COL5A2: variants seen among roughly 807,000 people sequenced by gnomAD.
The protein encoded by COL5A2 is collagen type V alpha 2 chain.
In COL5A2, 23 loss-of-function variants were observed where a neutral mutation model predicts 208.2. That is an observed-to-expected ratio of 0.11 (90% CI 0.08 to 0.16). The LOEUF is 0.16. COL5A2 is among the 10% of genes least tolerant of loss of function. The probability of loss-of-function intolerance (pLI) is 1.00; values close to 1 mark genes in which losing one functional copy is unlikely to be tolerated. For missense variants in COL5A2, 1,590 were observed against 1,956.4 expected (o/e 0.81, Z 3.53); for synonymous variants, 625 against 628.5 (o/e 0.99, Z 0.08).
Position 189,088,776 on chromosome 2 carries a change from TA to T in COL5A2, c.568-5del. 6.2e-7 allele frequency: 1 copy of T among 1,613,062 alleles called. No individual in the cohort carries two copies. The highest frequency in any genetic ancestry group is 1.3e-5 in the African/African-American group (1 of 75,020). On this transcript the variant is annotated splice_region_variant and splice_polypyrimidine_tract_variant and intron_variant, in intron 7 of 53. Transcript: ENST00000374866. ...CAGCCATTTGAGCTGAAAACGGCTGTAAAAGCGATATGTTGACATTATTTCT... is the reference window on the plus strand; with the variant it reads ...CAGCCATTTGAGCTGAAAACGGCTGTAAAGCGATATGTTGACATTATTTCT...
intron 1 of COL5A2, among the ~76,000 whole-genome samples, chr2:189,150,409 G>C (rs1482441783): frequency 6.6e-6 from 1 of 152,078 alleles, no homozygotes; most frequent in Non-Finnish European, 1.5e-5. Flanking sequence ...AAAGTCCTTA[G>C]GACACAGTGC....
chr2:189,169,829 G>A (rs1012609766), intron 1 of COL5A2, among the ~76,000 whole-genome samples: 26 of 152,200 alleles, frequency 1.7e-4, no homozygotes, highest in African/African-American at 6.3e-4. Flanking sequence ...TCCTGCCTCA[G>A]CTTCCCGAGT....
Position 189,074,649 on chromosome 2 carries a change from G to A in COL5A2, c.1104+744C>T, listed in dbSNP as rs186046434. ...CCATTCTAAACTCAAACCCACAAAC[G>A]GTATGCTGTTCCTCTTTCTTTATTT... On this transcript the variant is annotated intron_variant, in intron 17 of 53. Coordinates refer to ENST00000374866, the MANE Select transcript of COL5A2 (RefSeq NM_000393.5). 1.7e-3 allele frequency among the ~76,000 whole-genome samples: 257 copies of A among 152,078 alleles called. 3 individuals are homozygous for A. Among genetic ancestry groups the A allele is most frequent in the South Asian group, 0.013 (62 of 4,820 alleles).
At chr2:189,169,298 C>G (rs1452988007) in intron 1 of COL5A2, among the ~76,000 whole-genome samples, 1 of 152,146 alleles carries the variant, frequency 6.6e-6, no homozygotes, top group Non-Finnish European at 1.5e-5. Flanking sequence ...TTGGCTTGCT[C>G]ACACACTGGG....
At chr2:189,386,906 G>A in the COL5A2 span, among the ~76,000 whole-genome samples, 2 of 151,926 alleles carry the variant, frequency 1.3e-5, no homozygotes, top group African/African-American at 2.4e-5. Flanking sequence ...CCACTGTGGC[G>A]AGGAGTTTGG....
chr2:189,422,212 C>T, the COL5A2 span, among the ~76,000 whole-genome samples: 1 of 151,842 alleles, frequency 6.6e-6, no homozygotes, highest in Non-Finnish European at 1.5e-5. Flanking sequence ...TATGAACTGC[C>T]CGACAAAACA....
rs1166789159 is a variant in COL5A2, at chr2:189,169,450, A to G, written c.97+10058T>C. Among the ~76,000 whole-genome samples the G allele has an allele frequency of 2.0e-5, 3 of 152,228 alleles. No homozygotes were observed. The East Asian group carries it at 5.8e-4, about 29-fold the overall frequency. The stretch of plus-strand genomic sequence containing the variant: ...TCTTTTTTTGTATTAGTAAACCTAC[A>G]AAAGGAAATAATACAATATGGCCTT... On this transcript the variant is annotated intron_variant, in intron 1 of 53. Coordinates refer to ENST00000374866, the MANE Select transcript of COL5A2 (RefSeq NM_000393.5).
the COL5A2 span, among the ~76,000 whole-genome samples, chr2:189,263,822 A>G: frequency 1.3e-5 from 2 of 152,256 alleles, no homozygotes; most frequent in Admixed American, 1.3e-4. Flanking sequence ...GTAGTAAGTA[A>G]TCTAGGTTTG....
intron 1 of COL5A2, among the ~76,000 whole-genome samples, chr2:189,167,942 C>CTTTTT (rs1307923583): frequency 4.5e-5 from 4 of 88,902 alleles, no homozygotes; most frequent in Non-Finnish European, 8.4e-5. Flanking sequence ...GTACAAACTC[C>CTTTTT]TATTTTTTTT....
chr2:189,105,906 ATTC>A (rs1470139911), intron 2 of COL5A2, among the ~76,000 whole-genome samples: 8 of 151,590 alleles, frequency 5.3e-5, no homozygotes, highest in Middle Eastern at 3.4e-3. Context: ...TTATGAAATA[ATTC>A]TTCTTTTCTC....
intron 1 of COL5A2, among the ~76,000 whole-genome samples, chr2:189,134,845 T>C (rs1687796564): frequency 6.6e-6 from 1 of 152,226 alleles, no homozygotes; most frequent in Non-Finnish European, 1.5e-5. Flanking sequence ...GTTTTTATTA[T>C]TTAGAAAATG....
At chr2:189,311,623 C>A in the COL5A2 span, 1 of 877,700 alleles carries the variant, frequency 1.1e-6, no homozygotes, top group Non-Finnish European at 1.9e-6. Context: ...TCATAGAGTC[C>A]AGGTCCATCT....
rs747601339 is a variant in COL5A2, at chr2:189,033,955, T to G, written c.*115A>C. The G allele has an allele frequency of 6.3e-5, 86 of 1,366,864 alleles. No individual in the cohort carries two copies. The highest frequency in any genetic ancestry group is 8.0e-5 in the Non-Finnish European group (77 of 964,036). The allele number at this position is 1,366,864 out of a possible 1,614,324, so 84.7% of individuals were successfully genotyped here. ...CTTAAGACCATATATACAATGCTGA[T>G]GCAGGATCAGCCATTACTTCAAGAG... On this transcript the variant is annotated 3_prime_UTR_variant, in exon 54 of 54. Transcript: ENST00000374866.
chr2:189,365,787 T>A, the COL5A2 span, among the ~76,000 whole-genome samples: 1 of 152,206 alleles, frequency 6.6e-6, no homozygotes, highest in Non-Finnish European at 1.5e-5. Flanking sequence ...GATATATGGA[T>A]TGATGGTTTG....
At position 189,063,192 on chromosome 2, in the gene COL5A2, G is replaced by A; in HGVS notation, c.1849C>T (p.Pro617Ser). 1.2e-6 allele frequency: 2 copies of A among 1,614,026 alleles called. No individual in the cohort carries two copies. Among genetic ancestry groups the A allele is most frequent in the Non-Finnish European group, 1.7e-6 (2 of 1,179,896 alleles). The change falls in exon 27 of 54, where the codon CCA becomes TCA. Residue 617 changes from proline to serine, a missense_variant. Pro to Ser is a moderately conservative substitution (Grantham distance 74). Transcript: ENST00000374866. ...IRGQPGSMGLPGPKGSSGDPG... is the reference protein window; with the variant it reads ...IRGQPGSMGLSGPKGSSGDPG... ...CTCACACTGCTACCTTTGGGGCCTG[G>A]AAGGCCCATGCTCCCGGGCTGCCCT...
chr2:189,068,389 A>G, intron 19 of COL5A2, 119 bp from the exon 20 acceptor site: 1 of 883,670 alleles, frequency 1.1e-6, no homozygotes, highest in Non-Finnish European at 1.9e-6. Flanking sequence ...TTAAAAATCA[A>G]CCACCATTAT....
chr2:189,260,366 T>G, the COL5A2 span, among the ~76,000 whole-genome samples: 2 of 152,154 alleles, frequency 1.3e-5, no homozygotes, highest in Admixed American at 1.3e-4. Context: ...AGTATTTGGG[T>G]AGCCCAGTGA....
chr2:189,436,961 A>T, the COL5A2 span, among the ~76,000 whole-genome samples: 2 of 152,056 alleles, frequency 1.3e-5, no homozygotes, highest in Non-Finnish European at 2.9e-5. Flanking sequence ...GCACACATTT[A>T]CCTATATAAC....
At chr2:189,260,843 T>C in the COL5A2 span, among the ~76,000 whole-genome samples, 1 of 152,202 alleles carries the variant, frequency 6.6e-6, no homozygotes, top group African/African-American at 2.4e-5. Flanking sequence ...GCATGAGACC[T>C]AGTTACTGAT....
Sources: allele counts gnomAD v4.1 joint callset (sites outside exome capture counted in the v4.1 genomes callset), GRCh38; gene constraint gnomAD v4.1.1; transcripts MANE v1.5; gene names NCBI Gene and HGNC (gene_info 2026-07-23, HGNC 2026-07-21).